Variants in ATE1 observed in about 807,000 individuals in gnomAD.
The protein encoded by ATE1 is arginyltransferase 1, also known as arginyl-tRNA--protein transferase 1.
In ATE1, 36 loss-of-function variants were observed where a neutral mutation model predicts 70.5. The ratio of observed to expected loss-of-function variants is 0.51; its 90% CI spans 0.39 to 0.67. The LOEUF is 0.67. Ranked by LOEUF, ATE1 falls within the 30% of genes least tolerant of loss-of-function variation. The pLI is 0.00. For missense variants in ATE1, 593 were observed against 629.5 expected, an observed-to-expected ratio of 0.94 and a Z score of 0.62; for synonymous variants, 232 against 219.3, an observed-to-expected ratio of 1.06 and a Z score of -0.51.
chr10:121,859,757 C>T (rs1254282781), intron 8 of ATE1, among the ~76,000 whole-genome samples: 1 of 151,792 alleles, frequency 6.6e-6, no homozygotes, highest in East Asian at 2.0e-4. Context: ...ACCTGGCCCA[C>T]ATGGTGAAAC....
At chr10:121,753,343 C>A (rs1944664846) in intron 11 of ATE1, among the ~76,000 whole-genome samples, 1 of 151,824 alleles carries the variant, frequency 6.6e-6, no homozygotes. Flanking sequence ...TATAATATTT[C>A]AAAGGAAAAA....
At chr10:121,854,095 G>A (rs1408158735) in intron 8 of ATE1, among the ~76,000 whole-genome samples, 1 of 152,164 alleles carries the variant, frequency 6.6e-6, no homozygotes, top group Admixed American at 6.5e-5. Context: ...TTCTTTCAGT[G>A]AAGCTCTAGG....
chr10:121,849,864 GA>G (rs894963073), intron 8 of ATE1, among the ~76,000 whole-genome samples: 279 of 142,092 alleles, frequency 2.0e-3, no homozygotes, highest in African/African-American at 4.8e-3. Context: ...AGAAATTCAG[GA>G]AAAAAAAAAA....
intron 1 of ATE1, among the ~76,000 whole-genome samples, chr10:121,925,338 T>C (rs1236040935): frequency 1.3e-5 from 2 of 150,100 alleles, no homozygotes; most frequent in African/African-American, 4.9e-5. Context: ...GAGAATCGCT[T>C]GAACCCAGGA....
intron 10 of ATE1, among the ~76,000 whole-genome samples, chr10:121,825,016 A>G (rs1229915754): frequency 6.6e-6 from 1 of 151,992 alleles, no homozygotes; most frequent in Non-Finnish European, 1.5e-5. Context: ...TAAAGAAAAA[A>G]AGGAAAAAAG....
At chr10:121,924,456 T>TG in intron 1 of ATE1, 127 bp from the exon 2 acceptor site, 5 of 836,026 alleles carry the variant, frequency 6.0e-6, no homozygotes, top group Non-Finnish European at 9.7e-6. Context: ...ATCCCAGCAC[T>TG]CTGGGAGGCC....
chr10:121,904,157 T>C (rs1951095400), intron 5 of ATE1, among the ~76,000 whole-genome samples: 1 of 151,594 alleles, frequency 6.6e-6, no homozygotes, highest in African/African-American at 2.4e-5. Flanking sequence ...TAATTTTTTG[T>C]ATTTTCAGTA....
Position 121,841,066 on chromosome 10 carries a change from C to A in ATE1, c.1157+16G>T. 1 of 1,511,188 alleles carries A rather than the reference C, an allele frequency of 6.6e-7. No individual in the cohort carries two copies. Among genetic ancestry groups the A allele is most frequent in the Non-Finnish European group, 8.9e-7 (1 of 1,120,088 alleles). 93.6% of individuals were successfully genotyped at this position (1,511,188 alleles called of 1,614,324 possible). On this transcript the variant is annotated intron_variant, in intron 9 of 11. Coordinates refer to ENST00000224652, the MANE Select transcript of ATE1 (RefSeq NM_001001976.3). ...TCTATATAACCCACTACAATAACGGCAAAAAGCAATCTTACCGTAGTGCAG... is the reference window on the plus strand; with the variant it reads ...TCTATATAACCCACTACAATAACGGAAAAAAGCAATCTTACCGTAGTGCAG...
chr10:121,820,086 G>A (rs1004530579), intron 10 of ATE1, among the ~76,000 whole-genome samples: 1 of 152,046 alleles, frequency 6.6e-6, no homozygotes, highest in Non-Finnish European at 1.5e-5. Context: ...AGGCTGCAAT[G>A]AGCCAAGATC....
At chr10:121,906,859 A>G (rs1951216584) in intron 5 of ATE1, among the ~76,000 whole-genome samples, 1 of 152,078 alleles carries the variant, frequency 6.6e-6, no homozygotes, top group African/African-American at 2.4e-5. Flanking sequence ...TCGGCCTCCC[A>G]AAGTGTGGGA....
At chr10:121,909,507 T>C (rs1208387603) in intron 5 of ATE1, among the ~76,000 whole-genome samples, 1 of 152,112 alleles carries the variant, frequency 6.6e-6, no homozygotes, top group Non-Finnish European at 1.5e-5. Context: ...GGAATTTGCC[T>C]CAATATAATT....
At chr10:121,851,739 G>A (rs538185907) in intron 8 of ATE1, among the ~76,000 whole-genome samples, 3 of 152,252 alleles carry the variant, frequency 2.0e-5, no homozygotes, top group African/African-American at 7.2e-5. Context: ...CTGCAGTTTT[G>A]CATATTTTGG....
intron 10 of ATE1, 98 bp downstream of exon 10, chr10:121,836,620 T>C (rs1487404204): frequency 8.3e-6 from 6 of 720,310 alleles, no homozygotes; most frequent in Admixed American, 6.3e-5. Flanking sequence ...CCATTCGTCC[T>C]TCCTTCAAAG....
chr10:121,833,943 T>C (rs775715936), intron 10 of ATE1, among the ~76,000 whole-genome samples: 1 of 152,172 alleles, frequency 6.6e-6, no homozygotes, highest in Non-Finnish European at 1.5e-5. Flanking sequence ...ATGCCCATGG[T>C]TGATCCCAGA....
At chr10:121,910,651 G>A (rs954950497) in intron 5 of ATE1, among the ~76,000 whole-genome samples, 1 of 150,510 alleles carries the variant, frequency 6.6e-6, no homozygotes, top group Non-Finnish European at 1.5e-5. Flanking sequence ...CCCTAAAGTA[G>A]TAAGTAGAAA....
chr10:121,890,248 T>C (rs1235099213), intron 7 of ATE1, among the ~76,000 whole-genome samples: 1 of 152,204 alleles, frequency 6.6e-6, no homozygotes, highest in African/African-American at 2.4e-5. Flanking sequence ...CTATATCTTT[T>C]AAAATGGGAA....
intron 10 of ATE1, among the ~76,000 whole-genome samples, chr10:121,800,063 A>G (rs545860357): frequency 6.6e-6 from 1 of 152,306 alleles, no homozygotes; most frequent in Non-Finnish European, 1.5e-5. Flanking sequence ...CTTTTTAAAA[A>G]TCTTTCTTTT....
At chr10:121,817,396 G>A (rs548604673) in intron 10 of ATE1, among the ~76,000 whole-genome samples, 13 of 152,254 alleles carry the variant, frequency 8.5e-5, no homozygotes, top group South Asian at 6.2e-4. Flanking sequence ...AAAATTAGCC[G>A]GGCGCAGTGG....
At chr10:121,810,244 G>A (rs1175208422) in intron 10 of ATE1, among the ~76,000 whole-genome samples, 1 of 152,022 alleles carries the variant, frequency 6.6e-6, no homozygotes, top group Non-Finnish European at 1.5e-5. Flanking sequence ...TCAGCCTTTC[G>A]GGGTAACTGC....
Sources: allele counts gnomAD v4.1 joint callset (sites outside exome capture counted in the v4.1 genomes callset), GRCh38; gene constraint gnomAD v4.1.1; transcripts MANE v1.5; gene names NCBI Gene and HGNC (gene_info 2026-07-23, HGNC 2026-07-21).